Variants in WDR27 observed in about 807,000 individuals in gnomAD.
WDR27 encodes the protein WD repeat-containing protein 27.
WDR27 carries 100 observed loss-of-function variants against 114.4 expected under a neutral mutation model. The ratio of observed to expected loss-of-function variants is 0.87; its 90% confidence interval spans 0.74 to 1.03. The LOEUF is 1.03. Ranked by LOEUF, WDR27 falls within the 50% of genes least tolerant of loss-of-function variation. The pLI, the probability that WDR27 is intolerant of heterozygous loss-of-function variation, is 0.00. For synonymous variants in WDR27, 449 were observed against 423.1 expected, an observed-to-expected ratio of 1.06 and a Z score of -0.75; for missense variants, 1,129 against 1,092.9, an observed-to-expected ratio of 1.03 and a Z score of -0.47.
At chr6:169,569,550 C>T (rs1298987259) in intron 25 of WDR27, among the ~76,000 whole-genome samples, 3 of 152,116 alleles carry the variant, frequency 2.0e-5, no homozygotes, top group Non-Finnish European at 4.4e-5. Context: ...AAAAATCTAA[C>T]AAAGCAAACA....
intron 2 of WDR27, among the ~76,000 whole-genome samples, chr6:169,686,648 G>A (rs1474246593): frequency 6.6e-6 from 1 of 152,048 alleles, no homozygotes; most frequent in African/African-American, 2.4e-5. Context: ...CAAGTTAAAA[G>A]CTGTACAAAG....
intron 21 of WDR27, among the ~76,000 whole-genome samples, chr6:169,629,708 C>G (rs1212236496): frequency 6.6e-6 from 1 of 151,998 alleles, no homozygotes; most frequent in Non-Finnish European, 1.5e-5. Context: ...AGGCAGATCA[C>G]CTGAGGTGAG....
chr6:169,668,647 A>T (rs1828556577), intron 4 of WDR27: 1 of 160,634 alleles, frequency 6.2e-6, no homozygotes, highest in South Asian at 1.8e-4. Context: ...AGGCTTGAAC[A>T]GCATGACTGA....
chr6:169,498,921 T>G (rs1471867508), intron 25 of WDR27, among the ~76,000 whole-genome samples: 1 of 152,172 alleles, frequency 6.6e-6, no homozygotes. Flanking sequence ...TCTAGACACA[T>G]GTAATAATAC....
At chr6:169,683,463 C>T (rs912528587) in intron 2 of WDR27, among the ~76,000 whole-genome samples, 1 of 151,476 alleles carries the variant, frequency 6.6e-6, no homozygotes, top group African/African-American at 2.4e-5. Flanking sequence ...GAGAAACTGA[C>T]AACTAGACTA....
chr6:169,665,589 G>T, intron 6 of WDR27, 33 bp from the exon 7 acceptor site: 2 of 1,603,214 alleles, frequency 1.2e-6, no homozygotes, highest in Non-Finnish European at 1.7e-6. Flanking sequence ...ATTTAGCTTT[G>T]TAAGTGCCTG....
chr6:169,542,426 A>T (rs1796945883), intron 25 of WDR27, among the ~76,000 whole-genome samples: 1 of 152,148 alleles, frequency 6.6e-6, no homozygotes. Context: ...AAAAAAGTCA[A>T]ATGAGGAAAT....
intron 16 of WDR27, among the ~76,000 whole-genome samples, chr6:169,645,023 T>TAAAA (rs776362942): frequency 1.1e-4 from 5 of 46,980 alleles, no homozygotes; most frequent in Non-Finnish European, 2.0e-4. Context: ...AAAAAAAAAA[T>TAAAA]AAAAAAAAAA....
intron 25 of WDR27, among the ~76,000 whole-genome samples, chr6:169,527,290 G>A (rs144373689): frequency 5.2e-4 from 79 of 152,230 alleles, no homozygotes; most frequent in African/African-American, 1.8e-3. Context: ...TCCATACTTT[G>A]GAATTTTTTC....
downstream of WDR27, among the ~76,000 whole-genome samples, chr6:169,453,839 C>T (rs575717390): frequency 1.3e-5 from 2 of 152,212 alleles, no homozygotes; most frequent in East Asian, 3.9e-4. Context: ...ATTTCACACC[C>T]CAAGGGACTT....
At chr6:169,670,266 A>T (rs763023043) in intron 4 of WDR27, 1 of 229,500 alleles carries the variant, frequency 4.4e-6, no homozygotes, top group Non-Finnish European at 8.4e-6. Flanking sequence ...GCTAGGAAGG[A>T]TGCCTACAAT....
intron 25 of WDR27, among the ~76,000 whole-genome samples, chr6:169,489,056 G>T (rs1285076977): frequency 6.6e-6 from 1 of 151,798 alleles, no homozygotes; most frequent in Non-Finnish European, 1.5e-5. Context: ...AGAGATGAGG[G>T]TGATCTCAGA....
At chr6:169,617,782 C>T (rs888318219) in intron 21 of WDR27, among the ~76,000 whole-genome samples, 2 of 152,190 alleles carry the variant, frequency 1.3e-5, no homozygotes, top group Non-Finnish European at 2.9e-5. Context: ...ATGGAGCCAC[C>T]ATTTTGAACA....
the WDR27 span, among the ~76,000 whole-genome samples, chr6:169,428,323 C>T: frequency 5.9e-3 from 894 of 152,176 alleles, 12 homozygotes; most frequent in African/African-American, 0.019. Flanking sequence ...CCAAGAAGCC[C>T]AGCAAGTACT....
chr6:169,546,536 C>A (rs892575672), intron 25 of WDR27, among the ~76,000 whole-genome samples: 1 of 152,132 alleles, frequency 6.6e-6, no homozygotes, highest in African/African-American at 2.4e-5. Flanking sequence ...ACTTGCCTGG[C>A]CGCAGATTCT....
At chr6:169,697,096 A>C (rs1352556232) in intron 1 of WDR27, among the ~76,000 whole-genome samples, 2 of 152,222 alleles carry the variant, frequency 1.3e-5, no homozygotes, top group African/African-American at 4.8e-5. Flanking sequence ...GTTATACCAG[A>C]TATAGATCTT....
rs1825578532 is a variant in WDR27, at chr6:169,659,978, T to C, written c.1130-460A>G. Among the ~76,000 whole-genome samples the C allele has an allele frequency of 6.6e-6, 1 of 151,250 alleles. No individual in the cohort carries two copies. Among genetic ancestry groups the C allele is most frequent in the South Asian group, 2.1e-4 (1 of 4,766 alleles). On this transcript the variant is annotated intron_variant, in intron 10 of 25. Transcript: ENST00000448612. This position sits in a 1 kb window ranked among gnomAD's most constrained non-coding sequence, Gnocchi z 4.3. ...GGGCGTGTGTGAAGACACAGATGCA[T>C]CCCACAGCCCCACAGAGGTCTGAGC...
intron 24 of WDR27, among the ~76,000 whole-genome samples, chr6:169,575,971 T>A (rs936045838): frequency 2.0e-5 from 3 of 152,260 alleles, no homozygotes; most frequent in African/African-American, 7.2e-5. Flanking sequence ...TCTAAGCCCA[T>A]CTGCCATGCG....
chr6:169,462,490 G>GAGAGAGAAAGAAAGAAAGAAAGAA (rs555265160), intron 25 of WDR27, among the ~76,000 whole-genome samples: 9 of 149,848 alleles, frequency 6.0e-5, no homozygotes, highest in African/African-American at 2.3e-4. Context: ...GAGAGAGAGA[G>GAGAGAGAAAGAAAGAAAGAAAGAA]AGAAAGAAAG....
Sources: allele counts gnomAD v4.1 joint callset (sites outside exome capture counted in the v4.1 genomes callset), GRCh38; gene constraint gnomAD v4.1.1; non-coding constraint Gnocchi (gnomAD v3.1); transcripts MANE v1.5; gene names NCBI Gene and HGNC (gene_info 2026-07-23, HGNC 2026-07-21).